Variants in TYW1B observed in about 807,000 individuals in gnomAD.
The protein encoded by TYW1B is S-adenosyl-L-methionine-dependent tRNA 4-demethylwyosine synthase TYW1B.
TYW1B carries 73 observed loss-of-function variants against 86.9 expected under a neutral mutation model. The ratio of observed to expected loss-of-function variants is 0.84; its 90% CI spans 0.70 to 1.02. TYW1B has a LOEUF of 1.02. TYW1B is among the 50% of genes least tolerant of loss of function. The pLI, the probability that TYW1B is intolerant of heterozygous loss-of-function variation, is 0.00. For missense variants in TYW1B, 637 were observed against 827.4 expected (o/e 0.77, Z 2.82); for synonymous variants, 248 against 292.8 (o/e 0.85, Z 1.56).
At chr7:72,816,084 A>G (rs2129572824) in intron 2 of TYW1B, among the ~76,000 whole-genome samples, 1 of 152,206 alleles carries the variant, frequency 6.6e-6, no homozygotes, top group African/African-American at 2.4e-5. Context: ...AAAAAGAAAT[A>G]GTGAAGAATG....
chr7:72,704,800 A>G (rs782079918), intron 10 of TYW1B, among the ~76,000 whole-genome samples: 10 of 152,092 alleles, frequency 6.6e-5, no homozygotes, highest in Non-Finnish European at 1.3e-4. Flanking sequence ...TTATCCTCCA[A>G]CGTCAGAAAG....
chr7:72,631,768 C>T lies in TYW1B; in HGVS notation c.1507-2771G>A, dbSNP rs538869619. 2.6e-5 allele frequency among the ~76,000 whole-genome samples: 4 copies of T among 152,018 alleles called. No homozygotes were observed. In the South Asian group the frequency reaches 8.3e-4, roughly 32 times the overall value. On this transcript the variant is annotated intron_variant, in intron 11 of 13. Transcript: ENST00000620995. ...TATATATATATAAACAAACAGCTTT[C>T]CAAGGATACAGTAGTGAGTTAAATG...
At chr7:72,694,218 CT>C (rs1814251663) in intron 11 of TYW1B, among the ~76,000 whole-genome samples, 1 of 152,200 alleles carries the variant, frequency 6.6e-6, no homozygotes, top group Non-Finnish European at 1.5e-5. Context: ...CTGCCTCACC[CT>C]CCCAAAGTCC....
At chr7:72,808,677 G>A (rs1178688424) in intron 4 of TYW1B, among the ~76,000 whole-genome samples, 1 of 151,746 alleles carries the variant, frequency 6.6e-6, no homozygotes, top group Non-Finnish European at 1.5e-5. Context: ...ACAGGCATGC[G>A]CCACCATGCC....
At chr7:72,632,386 ACGT>A (rs1812536793) in intron 11 of TYW1B, among the ~76,000 whole-genome samples, 2 of 105,358 alleles carry the variant, frequency 1.9e-5, no homozygotes, top group African/African-American at 4.8e-5. Flanking sequence ...TTATATATAT[ACGT>A]ATATATATAT....
At chr7:72,710,592 G>A (rs3132426) in intron 10 of TYW1B, among the ~76,000 whole-genome samples, 118,555 of 152,062 alleles carry the variant, frequency 0.78, 46,839 homozygotes, top group Middle Eastern at 0.86. Context: ...TTGGGAGGCC[G>A]AGGCGGGTGT....
chr7:72,828,193 A>T lies in TYW1B; in HGVS notation c.-118T>A. ...CGTTAGCGCCGTACCGAGTGGCTGC[A>T]GAACTGTGGGCAGCTACGACGCTGC... On this transcript the variant is annotated 5_prime_UTR_variant, in exon 1 of 14. Transcript: ENST00000620995. The T allele has an allele frequency of 6.4e-7, 1 of 1,554,902 alleles. No individual in the cohort carries two copies.
chr7:72,626,841 A>G (rs1554438938), intron 12 of TYW1B, among the ~76,000 whole-genome samples: 1 of 151,842 alleles, frequency 6.6e-6, no homozygotes, highest in East Asian at 1.9e-4. Flanking sequence ...TCTATAACCA[A>G]GCCATGCTGC....
chr7:72,584,304 T>C (rs1478146827), intron 13 of TYW1B, among the ~76,000 whole-genome samples: 11 of 152,300 alleles, frequency 7.2e-5, no homozygotes, highest in African/African-American at 2.6e-4. Context: ...TTCAGCCTCT[T>C]AAAATGCTGG....
chr7:72,767,490 G>A (rs1787791052), intron 7 of TYW1B, among the ~76,000 whole-genome samples: 1 of 151,528 alleles, frequency 6.6e-6, no homozygotes, highest in Non-Finnish European at 1.5e-5. Context: ...GGCGCCTGTA[G>A]TCCCAGCTAC....
intron 7 of TYW1B, among the ~76,000 whole-genome samples, chr7:72,748,107 A>G (rs1351528501): frequency 9.9e-5 from 15 of 152,098 alleles, no homozygotes; most frequent in Non-Finnish European, 1.9e-4. Flanking sequence ...CGTCTCTACT[A>G]AAAATACAAA....
At chr7:72,637,709 T>C (rs1812706308) in intron 11 of TYW1B, among the ~76,000 whole-genome samples, 3 of 151,596 alleles carry the variant, frequency 2.0e-5, no homozygotes, top group Admixed American at 1.3e-4. Flanking sequence ...AAAAAAAACA[T>C]TGTGGGTACC....
intron 10 of TYW1B, among the ~76,000 whole-genome samples, chr7:72,710,723 G>A (rs569021834): frequency 4.6e-5 from 7 of 152,212 alleles, no homozygotes; most frequent in South Asian, 4.2e-4. Flanking sequence ...CAGGAGAATC[G>A]CTTGAACCTG....
At chr7:72,777,283 G>A (rs1420003237) in intron 7 of TYW1B, 133 bp downstream of exon 7, 1 of 1,068,610 alleles carries the variant, frequency 9.4e-7, no homozygotes, top group African/African-American at 1.6e-5. Flanking sequence ...GAAGTAAGAA[G>A]GTAAATCTTT....
In TYW1B at chr7:72,694,726, C is replaced by T. The variant is rs1554451095; in HGVS notation, c.1467G>A (p.Trp489Ter). ...CTTTTAAACTGTCAAGGAATTGCTGCCAGAAATCCTTGAAGAGTGGGCGGT... is the reference window on the plus strand; with the variant it reads ...CTTTTAAACTGTCAAGGAATTGCTGTCAGAAATCCTTGAAGAGTGGGCGGT... ...KIDRPLFKDF[W>*]QQFLDSLKAL... Residue 489 changes from tryptophan to a stop codon, truncating the protein, a stop_gained, in exon 11 of 14, where the codon TGG (tryptophan) becomes TGA (stop). Transcript: ENST00000620995. LOFTEE classifies it high-confidence loss of function. 16 of 1,613,570 alleles carry T rather than the reference C, an allele frequency of 9.9e-6. No individual in the cohort carries two copies. The highest frequency in any genetic ancestry group is 1.4e-5 in the Non-Finnish European group (16 of 1,179,912).
At position 72,678,619 on chromosome 7, in the gene TYW1B, C is replaced by CTTTTT. The variant is rs56738372; in HGVS notation, c.1506+16063_1506+16067dup. ...GTGGCTCACACCTGTAATTCCAGCA[C>CTTTTT]TTTTTTTTTTTTTTTTTTTTTTTGA... On this transcript the variant is annotated intron_variant, in intron 11 of 13. Coordinates refer to ENST00000620995, the MANE Select transcript of TYW1B (RefSeq NM_001145440.3). 3.8e-3 allele frequency among the ~76,000 whole-genome samples: 414 copies of CTTTTT among 110,284 alleles called. 9 individuals carry two copies. The highest frequency in any genetic ancestry group is 0.011 in the African/African-American group (334 of 30,616). The allele number at this position is 110,284 out of a possible 152,430, so 72.4% of individuals were successfully genotyped here. A position where few individuals can be genotyped will look rare whatever the true frequency, so the allele number is the denominator to read the frequency against.
In TYW1B at chr7:72,708,750, C is replaced by T. The variant is rs532408304; in HGVS notation, c.1370+4871G>A. 1.1e-4 allele frequency among the ~76,000 whole-genome samples: 16 copies of T among 152,154 alleles called. No individual in the cohort carries two copies. The East Asian group carries it at 2.7e-3, about 26-fold the overall frequency. ...TTCTTTCTGTTTTCTCTTGGGATAT[C>T]GGGGTTGGCAGGGAGCATCCTTAGT... is the stretch of plus-strand genomic sequence containing the variant. On this transcript the variant is annotated intron_variant, in intron 10 of 13. Transcript: ENST00000620995.
chr7:72,584,338 C>A (rs1811223178), intron 13 of TYW1B, among the ~76,000 whole-genome samples: 1 of 152,182 alleles, frequency 6.6e-6, no homozygotes, highest in Non-Finnish European at 1.5e-5. Flanking sequence ...AGCCACCTCA[C>A]CTGGCCAGAG....
chr7:72,587,928 T>C (rs1369072259), intron 13 of TYW1B, among the ~76,000 whole-genome samples: 6 of 152,218 alleles, frequency 3.9e-5, no homozygotes, highest in African/African-American at 1.4e-4. Flanking sequence ...TTTGTCTCAG[T>C]CATAATTTTG....
Sources: allele counts gnomAD v4.1 joint callset (sites outside exome capture counted in the v4.1 genomes callset), GRCh38; gene constraint gnomAD v4.1.1; transcripts MANE v1.5; gene names NCBI Gene and HGNC (gene_info 2026-07-23, HGNC 2026-07-21).